The following GRIK2 variants were observed in gnomAD, a reference collection of about 807,000 sequenced individuals.
The protein encoded by GRIK2 is glutamate ionotropic receptor kainate type subunit 2.
A neutral mutation model predicts 100.3 loss-of-function variants in GRIK2; 32 were observed. The ratio of observed to expected loss-of-function variants is 0.32; its 90% confidence interval spans 0.24 to 0.43. GRIK2 has a LOEUF of 0.43. GRIK2 is among the 20% of genes least tolerant of loss of function. GRIK2 has a pLI of 1.00. For missense variants in GRIK2, 843 were observed against 1,114.9 expected (o/e 0.76, Z 3.47); for synonymous variants, 417 against 389.4 (o/e 1.07, Z -0.83).
chr6:101,487,786 A>G lies in GRIK2; in HGVS notation c.115+88394A>G, dbSNP rs1295720183. On this transcript the variant is annotated intron_variant, in intron 2 of 16. Coordinates refer to ENST00000369134, the MANE Select transcript of GRIK2 (RefSeq NM_021956.5). ...GTTATGGATACAGCATTAAATTTAAAAAGATCAAACTATTGGTCTTCATGG... is the reference window on the plus strand; with the variant it reads ...GTTATGGATACAGCATTAAATTTAAGAAGATCAAACTATTGGTCTTCATGG... 4.1e-5 allele frequency among the ~76,000 whole-genome samples: 6 copies of G among 146,656 alleles called. 1 individual carries two copies. The highest frequency in any genetic ancestry group is 9.0e-5 in the Non-Finnish European group (6 of 66,574).
intron 11 of GRIK2, among the ~76,000 whole-genome samples, chr6:101,862,330 A>C (rs949301638): frequency 2.6e-5 from 4 of 152,070 alleles, no homozygotes; most frequent in African/African-American, 4.8e-5. Context: ...AAATATTTTG[A>C]TTTCCTTCAC....
chr6:101,779,977 C>T lies in GRIK2; in HGVS notation c.952-19671C>T, dbSNP rs563803804. 1.1e-3 allele frequency among the ~76,000 whole-genome samples: 171 copies of T among 152,162 alleles called. 1 individual carries two copies. Among genetic ancestry groups the T allele is most frequent in the African/African-American group, 3.2e-3 (134 of 41,508 alleles). On this transcript the variant is annotated intron_variant, in intron 7 of 16. Transcript: ENST00000369134. ...CAACCCCTGCTTAGCTTTTGTCTTG[C>T]CTTTGTAGTTTAGGATGTAAATGAC...
At chr6:101,910,297 T>C (rs1417665960) in intron 12 of GRIK2, among the ~76,000 whole-genome samples, 1 of 151,288 alleles carries the variant, frequency 6.6e-6, no homozygotes, top group Non-Finnish European at 1.5e-5. Context: ...TTTTTATGAC[T>C]ATCTAGCAAT....
chr6:101,547,731 T>G (rs1285045994), intron 2 of GRIK2, among the ~76,000 whole-genome samples: 2 of 152,020 alleles, frequency 1.3e-5, no homozygotes, highest in African/African-American at 2.4e-5. Context: ...GTTGGACATT[T>G]GGGTTGGTTC....
chr6:101,558,661 C>A (rs1389417248), intron 2 of GRIK2, among the ~76,000 whole-genome samples: 1 of 80,832 alleles, frequency 1.2e-5, no homozygotes, highest in African/African-American at 5.3e-5. Context: ...TGTTCCTCCC[C>A]TTTGCTTCTT....
Position 101,626,601 on chromosome 6 carries a change from T to A in GRIK2, c.505T>A (p.Trp169Arg). 6.2e-7 allele frequency: 1 copy of A among 1,613,906 alleles called. No individual in the cohort carries two copies. The stretch of plus-strand genomic sequence containing the variant: ...TTTAGACCTGGTGCAGTTTTTCAAG[T>A]GGAAAACCGTCACGGTTGTGTATGA... ...AILDLVQFFKWKTVTVVYDDS... is the reference protein window; with the variant it reads ...AILDLVQFFKRKTVTVVYDDS... The change falls in exon 4 of 17, where the codon TGG becomes AGG. Residue 169 changes from tryptophan to arginine, a missense_variant. Trp to Arg is a moderately radical substitution (Grantham distance 101). Around this residue, in one of 3 missense-constraint regions of GRIK2, gnomAD observed 519 missense variants for 643.8 expected, o/e 0.81. Coordinates refer to ENST00000369134, the MANE Select transcript of GRIK2 (RefSeq NM_021956.5).
At chr6:101,490,080 G>C (rs1225955370) in intron 2 of GRIK2, among the ~76,000 whole-genome samples, 1 of 145,950 alleles carries the variant, frequency 6.9e-6, no homozygotes, top group Non-Finnish European at 1.5e-5. Flanking sequence ...AAGACACAGA[G>C]GATACAGCAT....
chr6:102,030,259 C>G (rs994855773), intron 14 of GRIK2, among the ~76,000 whole-genome samples: 2 of 151,162 alleles, frequency 1.3e-5, no homozygotes, highest in Non-Finnish European at 3.0e-5. Flanking sequence ...CTTTTTCTGA[C>G]ATTTTAAACC....
At chr6:101,879,507 T>G (rs990196244) in intron 11 of GRIK2, among the ~76,000 whole-genome samples, 9 of 152,004 alleles carry the variant, frequency 5.9e-5, no homozygotes, top group African/African-American at 2.2e-4. Flanking sequence ...TACGGAAGAC[T>G]CATCCATTAC....
intron 10 of GRIK2, among the ~76,000 whole-genome samples, chr6:101,831,087 AC>A (rs1376298938): frequency 2.6e-5 from 4 of 152,142 alleles, no homozygotes; most frequent in African/African-American, 9.7e-5. Context: ...CATGTAACAA[AC>A]CTGCACATGT....
intron 14 of GRIK2, among the ~76,000 whole-genome samples, chr6:102,022,165 C>A (rs1212196432): frequency 3.5e-5 from 5 of 143,024 alleles, no homozygotes; most frequent in Non-Finnish European, 4.6e-5. Context: ...CACACACACA[C>A]AACATATATT....
intron 2 of GRIK2, chr6:101,430,883 G>T: frequency 2.9e-6 from 1 of 344,314 alleles, no homozygotes; most frequent in Non-Finnish European, 6.0e-6. Context: ...AGGCAGTGGT[G>T]GTGAAGCTGT....
intron 14 of GRIK2, among the ~76,000 whole-genome samples, chr6:101,988,419 T>G (rs1794169159): frequency 6.6e-6 from 1 of 151,752 alleles, no homozygotes; most frequent in Admixed American, 6.6e-5. Context: ...CAGTCTGAGG[T>G]TATTTTTAGC....
At chr6:101,719,589 G>A (rs1186075554) in intron 7 of GRIK2, among the ~76,000 whole-genome samples, 14 of 151,902 alleles carry the variant, frequency 9.2e-5, no homozygotes, top group Admixed American at 9.2e-4. Context: ...GAGTTCAGTG[G>A]GCAGTTAGAT....
rs61664424 is a variant in GRIK2 at position 101,919,615 on chromosome 6, A to C, written c.1749-4986A>C. Among the ~76,000 whole-genome samples the C allele has an allele frequency of 2.2e-3, 329 of 151,970 alleles. 1 individual carries two copies. The highest frequency in any genetic ancestry group is 7.4e-3 in the African/African-American group (309 of 41,548). ...AAATTAAGAGAGTTTTGTAATCATC[A>C]GTATAGAAGTTAAAGTCATGAGTGT... is the stretch of plus-strand genomic sequence containing the variant. On this transcript the variant is annotated intron_variant, in intron 12 of 16. Coordinates refer to ENST00000369134, the MANE Select transcript of GRIK2 (RefSeq NM_021956.5).
At chr6:101,638,459 G>A (rs1781125767) in intron 4 of GRIK2, among the ~76,000 whole-genome samples, 1 of 151,792 alleles carries the variant, frequency 6.6e-6, no homozygotes, top group Admixed American at 6.6e-5. Flanking sequence ...AGGGTTGCCA[G>A]AAAATACCTT....
At chr6:101,424,985 G>C (rs979238424) in intron 2 of GRIK2, among the ~76,000 whole-genome samples, 25 of 152,064 alleles carry the variant, frequency 1.6e-4, no homozygotes, top group Admixed American at 1.5e-3. Context: ...ATTTGGGTTG[G>C]TTCCAAGTCT....
At chr6:101,742,866 A>G (rs1265799955) in intron 7 of GRIK2, among the ~76,000 whole-genome samples, 1 of 151,922 alleles carries the variant, frequency 6.6e-6, no homozygotes, top group Admixed American at 6.6e-5. Flanking sequence ...GGCATGCTAG[A>G]CCCCCCACTT....
intron 4 of GRIK2, 67 bp downstream of exon 4, chr6:101,626,704 G>A (rs1780457069): frequency 2.9e-6 from 4 of 1,377,088 alleles, no homozygotes; most frequent in Middle Eastern, 3.7e-4. Context: ...GCCCATTCCA[G>A]GTTCTTATTG....
Sources: gnomAD v4.1 joint callset for allele counts (sites outside exome capture counted in the v4.1 genomes callset) on GRCh38, gnomAD v4.1.1 for gene constraint, gnomAD v4.1.1 regional missense constraint, MANE v1.5 for transcripts, NCBI Gene and HGNC (gene_info 2026-07-23, HGNC 2026-07-21) for gene names.